Variants in TMEM94 observed in about 807,000 individuals in gnomAD.
The protein encoded by TMEM94 is ER Mg2+ ATPase.
In TMEM94, 81 loss-of-function variants were observed where a neutral mutation model predicts 158.6. That is an observed-to-expected ratio of 0.51 (90% CI 0.43 to 0.61). The LOEUF is 0.61. Ranked by LOEUF, TMEM94 falls within the 20% of genes least tolerant of loss-of-function variation. The pLI, the probability that TMEM94 is intolerant of heterozygous loss-of-function variation, is 0.00. For missense variants in TMEM94, 1,435 were observed against 1,762.0 expected (o/e 0.81, Z 3.32); for synonymous variants, 751 against 730.7 (o/e 1.03, Z -0.45).
intron 2 of TMEM94, among the ~76,000 whole-genome samples, chr17:75,474,584 T>TCTCGGCAA (rs1186467321): frequency 6.6e-6 from 1 of 152,090 alleles, no homozygotes; most frequent in Non-Finnish European, 1.5e-5. Flanking sequence ...GAGGTTGCAG[T>TCTCGGCAA]TAGCCGAGAT....
At position 75,487,881 on chromosome 17, in the gene TMEM94, G is replaced by T; in HGVS notation, c.410-51G>T. On this transcript the variant is annotated intron_variant, in intron 5 of 31. Transcript: ENST00000314256. This position sits in a 1 kb window ranked among gnomAD's most constrained non-coding sequence, Gnocchi z 4.6. ...CGGAAGTGCTGCTGTATCTGACTGG[G>T]GGGCAGGGCCGTGGCTGAGAGGGTT... is the stretch of plus-strand genomic sequence containing the variant. 1 of 1,503,346 alleles carries T rather than the reference G, an allele frequency of 6.7e-7. No individual in the cohort carries two copies. The allele number at this position is 1,503,346 out of a possible 1,614,324, so 93.1% of individuals were successfully genotyped here.
chr17:75,493,360 T>C, intron 16 of TMEM94, 131 bp from the exon 17 acceptor site: 1 of 948,926 alleles, frequency 1.1e-6, no homozygotes, highest in Non-Finnish European at 1.6e-6. Flanking sequence ...TTGCTGTCCG[T>C]GAGTCCCAGG....
chr17:75,496,676 G>T, intron 24 of TMEM94, 54 bp from the exon 25 acceptor site: 1 of 1,566,390 alleles, frequency 6.4e-7, no homozygotes, highest in South Asian at 1.1e-5. Context: ...CAGCTGTTGG[G>T]CCTGGGAGAG....
Position 75,461,922 on chromosome 17 carries a change from A to G in TMEM94, c.-107+5171A>G, listed in dbSNP as rs537419766. The stretch of plus-strand genomic sequence containing the variant: ...GAGCAAGACTCCGTCTCAAAAAAAA[A>G]AAAAGAAAAGAAATGTAACCCAAAG... On this transcript the variant is annotated intron_variant, in intron 1 of 31. Transcript: ENST00000314256. 3.0e-4 allele frequency among the ~76,000 whole-genome samples: 45 copies of G among 150,662 alleles called. No individual in the cohort carries two copies. In the East Asian group the frequency reaches 8.4e-3, roughly 28 times the overall value.
intron 2 of TMEM94, among the ~76,000 whole-genome samples, chr17:75,482,082 C>T (rs972044303): frequency 3.3e-5 from 5 of 152,014 alleles, no homozygotes; most frequent in African/African-American, 1.2e-4. Flanking sequence ...GTGGCTCAGG[C>T]CTATAATCCT....
chr17:75,476,613 CTCT>C, intron 2 of TMEM94: 1 of 1,524,646 alleles, frequency 6.6e-7, no homozygotes, highest in East Asian at 2.5e-5. Flanking sequence ...CTCTCTCTCT[CTCT>C]TTTCACCCTC....
chr17:75,488,275 A>C, intron 6 of TMEM94, 141 bp downstream of exon 6: 1 of 736,794 alleles, frequency 1.4e-6, no homozygotes, highest in South Asian at 1.8e-5. Context: ...ATCTTCCTCC[A>C]CCCTGCTGTT....
chr17:75,482,170 C>G (rs981110816), intron 2 of TMEM94, among the ~76,000 whole-genome samples: 3 of 152,056 alleles, frequency 2.0e-5, no homozygotes, highest in Non-Finnish European at 2.9e-5. Flanking sequence ...TGGTGAAACT[C>G]GGTCTCTACT....
In TMEM94 at chr17:75,485,867, C is replaced by G; in HGVS notation, c.145-4C>G. 2 of 1,609,726 alleles carry G rather than the reference C, an allele frequency of 1.2e-6. No individual in the cohort carries two copies. Among genetic ancestry groups the G allele is most frequent in the Non-Finnish European group, 1.7e-6 (2 of 1,177,704 alleles). On this transcript the variant is annotated splice_region_variant and splice_polypyrimidine_tract_variant and intron_variant, in intron 3 of 31. Transcript: ENST00000314256. This position sits in a 1 kb window ranked among gnomAD's most constrained non-coding sequence, Gnocchi z 5.5. Reference sequence around the variant, plus strand: ...ATTGTCCCCTCCCTGTCCGAACTTCCCAGGAGGTGTGGAGAAGCAGCTTCC... The same window carrying G: ...ATTGTCCCCTCCCTGTCCGAACTTCGCAGGAGGTGTGGAGAAGCAGCTTCC...
At chr17:75,476,603 C>T (rs1598342053) in intron 2 of TMEM94, 2 of 1,185,532 alleles carry the variant, frequency 1.7e-6, no homozygotes, top group East Asian at 3.4e-5. Flanking sequence ...CTCTCCTCTT[C>T]TCTCTCTCTC....
chr17:75,476,846 C>T, intron 2 of TMEM94: 2 of 1,491,356 alleles, frequency 1.3e-6, no homozygotes, highest in Non-Finnish European at 1.8e-6. Context: ...GTCCTGAAGA[C>T]AATGCAAAAT....
At chr17:75,463,958 G>A (rs9910634) in intron 1 of TMEM94, among the ~76,000 whole-genome samples, 7,590 of 152,196 alleles carry the variant, frequency 0.05, 651 homozygotes, top group African/African-American at 0.17. Flanking sequence ...CTATTAAACC[G>A]AATACAGATC....
Position 75,496,093 on chromosome 17 carries a change from AG to A in TMEM94, c.3053+20del. 6.3e-7 allele frequency: 1 copy of A among 1,588,608 alleles called. No homozygotes were observed. The highest frequency in any genetic ancestry group is 8.6e-7 in the Non-Finnish European group (1 of 1,164,778). On this transcript the variant is annotated intron_variant, in intron 23 of 31. Transcript: ENST00000314256. ...ACATCAGGTCAGGGCGGGACCCTGG[AG>A]CCTGCGGGCCAGCCTCTACCTCCCA...
In TMEM94 at chr17:75,496,016, T is replaced by C; in HGVS notation, c.2995T>C (p.Cys999Arg). 1 of 1,613,550 alleles carries C rather than the reference T, an allele frequency of 6.2e-7. No individual in the cohort carries two copies. The highest frequency in any genetic ancestry group is 8.5e-7 in the Non-Finnish European group (1 of 1,180,006). ...GCAAGAGTACGGGGAGGTGACCTGCTGCCTGGGCAGCTCTGCCAACCTGCG... is the reference window on the plus strand; with the variant it reads ...GCAAGAGTACGGGGAGGTGACCTGCCGCCTGGGCAGCTCTGCCAACCTGCG... Reference protein sequence around the residue: ...IMQEYGEVTCCLGSSANLRNS... With the variant: ...IMQEYGEVTCRLGSSANLRNS... The change falls in exon 23 of 32, where the codon TGC becomes CGC. Residue 999 changes from cysteine to arginine, a missense_variant. Around this residue, in one of 3 missense-constraint regions of TMEM94, gnomAD observed 49 missense variants for 98.5 expected, o/e 0.50. Coordinates refer to ENST00000314256, the MANE Select transcript of TMEM94 (RefSeq NM_014738.6).
chr17:75,463,160 ATG>A lies in TMEM94; in HGVS notation c.-107+6427_-107+6428del, dbSNP rs66559909. ...TATGTATATATATACACGTATATAT[ATG>A]TGTGTGTGTGTGTGTGTATATATAT... On this transcript the variant is annotated intron_variant, in intron 1 of 31. Coordinates refer to ENST00000314256, the MANE Select transcript of TMEM94 (RefSeq NM_014738.6). 1.5e-3 allele frequency among the ~76,000 whole-genome samples: 27 copies of A among 18,078 alleles called. 1 individual carries two copies. The highest frequency in any genetic ancestry group is 5.2e-3 in the Admixed American group (18 of 3,436). 11.9% of individuals were successfully genotyped at this position (18,078 alleles called of 152,430 possible).
In TMEM94 at chr17:75,493,764, A is replaced by T; in HGVS notation, c.2255A>T (p.Lys752Met). ...LSGYCSAFAY[K>M]PMNCALSSQL... ...GGGTATTGCTCTGCCTTCGCCTACA[A>T]GCCCATGAACTGCGCCCTGTCCTCT... The change falls in exon 18 of 32, where the codon AAG (lysine) becomes ATG (methionine). Residue 752 changes from lysine (K) to methionine (M), a missense_variant. This residue lies in a region of TMEM94 where 1,051 missense variants were observed against 1,254.4 expected (regional missense o/e 0.84). Transcript: ENST00000314256. 1 of 1,614,110 alleles carries T rather than the reference A, an allele frequency of 6.2e-7. No homozygotes were observed. Among genetic ancestry groups the T allele is most frequent in the Non-Finnish European group, 8.5e-7 (1 of 1,180,036 alleles).
chr17:75,473,392 G>A (rs1304067955), intron 2 of TMEM94, among the ~76,000 whole-genome samples: 1 of 152,220 alleles, frequency 6.6e-6, no homozygotes, highest in Non-Finnish European at 1.5e-5. Flanking sequence ...CAAGGGCTCT[G>A]CACTGCTCAG....
rs373820944 is a variant in TMEM94, at chr17:75,459,539, G to A, written c.-107+2788G>A. On this transcript the variant is annotated intron_variant, in intron 1 of 31. Coordinates refer to ENST00000314256, the MANE Select transcript of TMEM94 (RefSeq NM_014738.6). ...CTAATGAGAAATGAAGGTTGTGATC[G>A]TCCTGTTCCTGCCTGCTGCTCTCTC... Among the ~76,000 whole-genome samples the A allele has an allele frequency of 3.4e-4, 52 of 152,280 alleles. No homozygotes were observed. The South Asian group carries it at 9.5e-3, about 28-fold the overall frequency.
chr17:75,472,985 A>G (rs934381260), intron 2 of TMEM94, among the ~76,000 whole-genome samples: 10 of 152,122 alleles, frequency 6.6e-5, no homozygotes, highest in African/African-American at 2.4e-4. Flanking sequence ...AAATTAACTC[A>G]TCTCTTCCAC....
Sources: allele counts gnomAD v4.1 joint callset (sites outside exome capture counted in the v4.1 genomes callset), GRCh38; gene constraint gnomAD v4.1.1; regional missense constraint gnomAD v4.1.1; non-coding constraint Gnocchi (gnomAD v3.1); transcripts MANE v1.5; gene names NCBI Gene and HGNC (gene_info 2026-07-23, HGNC 2026-07-21).